KDM1B: variants seen among roughly 807,000 people sequenced by gnomAD.
KDM1B encodes lysine-specific histone demethylase 2.
KDM1B carries 63 observed loss-of-function variants against 107.4 expected under a neutral mutation model. The ratio of observed to expected loss-of-function variants is 0.59; its 90% CI spans 0.48 to 0.72. The LOEUF is 0.72. KDM1B is among the 30% of genes least tolerant of loss of function. The probability of loss-of-function intolerance (pLI) is 0.00; values close to 1 mark genes in which losing one functional copy is unlikely to be tolerated. For synonymous variants in KDM1B, 363 were observed against 363.9 expected, an observed-to-expected ratio of 1.00 and a Z score of 0.03; for missense variants, 749 against 1,020.8, an observed-to-expected ratio of 0.73 and a Z score of 3.63.
chr6:18,204,194 G>A lies in KDM1B; in HGVS notation c.1532-1343G>A, dbSNP rs1788223342. On this transcript the variant is annotated intron_variant, in intron 14 of 21. Coordinates refer to ENST00000650836, the MANE Select transcript of KDM1B (RefSeq NM_001364614.2). This position sits in a 1 kb window ranked among gnomAD's most constrained non-coding sequence, Gnocchi z 4.9. ...CAGTTCTGCTTCTAGTCAGAGAAGT[G>A]TGTGACACTCTGTTAAACTTGGGAT... Among the ~76,000 whole-genome samples, 3 of 152,118 alleles carry A rather than the reference G, an allele frequency of 2.0e-5. No individual in the cohort carries two copies. The highest frequency in any genetic ancestry group is 2.1e-4 in the South Asian group (1 of 4,826).
Position 18,217,731 on chromosome 6 carries a change from A to G in KDM1B, c.2233-2A>G, listed in dbSNP as rs1427479247. On this transcript the variant is annotated splice_acceptor_variant, in intron 20 of 21. Coordinates refer to ENST00000650836, the MANE Select transcript of KDM1B (RefSeq NM_001364614.2). LOFTEE classifies it high-confidence loss of function. Reference sequence around the variant, plus strand: ...TTCATAATTCCTTTCTATTGGACATAGGAGGTCCCAGATCCCACAAAGTAT... The same window carrying G: ...TTCATAATTCCTTTCTATTGGACATGGGAGGTCCCAGATCCCACAAAGTAT... 1.2e-6 allele frequency: 2 copies of G among 1,610,650 alleles called. No individual in the cohort carries two copies. Among genetic ancestry groups the G allele is most frequent in the Non-Finnish European group, 1.7e-6 (2 of 1,178,738 alleles).
intron 21 of KDM1B, among the ~76,000 whole-genome samples, chr6:18,221,240 T>A (rs214506): frequency 6.6e-6 from 1 of 151,830 alleles, no homozygotes; most frequent in South Asian, 2.1e-4. Flanking sequence ...CATTTTCTGC[T>A]GTCTGTTCAG....
At chr6:18,183,813 GGT>G in intron 7 of KDM1B, among the ~76,000 whole-genome samples, 1 of 151,942 alleles carries the variant, frequency 6.6e-6, no homozygotes, top group Middle Eastern at 3.4e-3. Context: ...AACCTACCTT[GGT>G]GTGTGTATTC....
rs1789888783 is a variant in KDM1B at position 18,223,067 on chromosome 6, T to A, written c.*1075T>A. On this transcript the variant is annotated 3_prime_UTR_variant, in exon 22 of 22. Coordinates refer to ENST00000650836, the MANE Select transcript of KDM1B (RefSeq NM_001364614.2). ...CTCATGACAGAAAACAGTTTAATAA[T>A]ATCTCATTCTAAAATAAAACACTGG... The A allele has an allele frequency of 6.6e-6, 1 of 152,536 alleles. No homozygotes were observed. Among genetic ancestry groups the A allele is most frequent in the African/African-American group, 2.4e-5 (1 of 41,404 alleles). The allele number at this position is 152,536 out of a possible 1,614,324, so 9.4% of individuals were successfully genotyped here.
chr6:18,200,311 T>C lies in KDM1B; in HGVS notation c.1222-128T>C. On this transcript the variant is annotated intron_variant, in intron 12 of 21. Transcript: ENST00000650836. This position sits in a 1 kb window ranked among gnomAD's most constrained non-coding sequence, Gnocchi z 4.3. ...ACACTGCCTGCTTTTTAAAGTTGTT[T>C]TTTTAGAAATATTTGGAATTAACCA... The C allele has an allele frequency of 5.1e-6, 5 of 985,560 alleles. No individual in the cohort carries two copies. Among genetic ancestry groups the C allele is most frequent in the Non-Finnish European group, 4.4e-6 (3 of 679,602 alleles). 61.1% of individuals were successfully genotyped at this position (985,560 alleles called of 1,614,324 possible). A position where few individuals can be genotyped will look rare whatever the true frequency, so the allele number is the denominator to read the frequency against.
chr6:18,174,531 G>A (rs191544336), intron 7 of KDM1B, among the ~76,000 whole-genome samples: 5 of 152,050 alleles, frequency 3.3e-5, no homozygotes, highest in Admixed American at 6.6e-5. Context: ...GTTCTTTAGC[G>A]GTGATTTGTG....
chr6:18,181,476 G>A (rs1162911049), intron 7 of KDM1B, among the ~76,000 whole-genome samples: 1 of 152,172 alleles, frequency 6.6e-6, no homozygotes, highest in Non-Finnish European at 1.5e-5. Context: ...AATAAGAAGT[G>A]GGAATCAGTT....
chr6:18,166,330 C>T lies in KDM1B; in HGVS notation c.369C>T (p.Thr123=), dbSNP rs377100984. The T allele has an allele frequency of 1.0e-4, 166 of 1,613,230 alleles. No individual in the cohort carries two copies. The highest frequency in any genetic ancestry group is 1.6e-4 in the Middle Eastern group (1 of 6,082). Residue 123 remains threonine, a synonymous_variant, in exon 6 of 22, where the codon ACC becomes ACT. Coordinates refer to ENST00000650836, the MANE Select transcript of KDM1B (RefSeq NM_001364614.2). ...WKKIWTSNGK[T]EPSPKAFMAD... is the part of the protein sequence containing the mutation. ...AAATATGGACTAGCAATGGCAAAAC[C>T]GAACCTAGTCCCAAAGCTTTCATGG...
At chr6:18,178,201 G>A (rs1320289657) in intron 7 of KDM1B, among the ~76,000 whole-genome samples, 1 of 152,020 alleles carries the variant, frequency 6.6e-6, no homozygotes, top group Non-Finnish European at 1.5e-5. Context: ...TCCTGCCTCA[G>A]CCTCCTGAGT....
At chr6:18,217,942 A>T in intron 21 of KDM1B, 57 bp downstream of exon 21, 1 of 1,562,242 alleles carries the variant, frequency 6.4e-7, no homozygotes, top group Non-Finnish European at 8.8e-7. Flanking sequence ...TCTTTCATCT[A>T]AAATGATATC....
At chr6:18,174,599 G>A (rs1582108644) in intron 7 of KDM1B, among the ~76,000 whole-genome samples, 1 of 152,140 alleles carries the variant, frequency 6.6e-6, no homozygotes, top group African/African-American at 2.4e-5. Context: ...GTAGCCGTTT[G>A]TCCCTAGCCC....
At chr6:18,163,021 C>A (rs2150772453) in intron 5 of KDM1B, 97 bp downstream of exon 5, 2 of 732,450 alleles carry the variant, frequency 2.7e-6, no homozygotes, top group Non-Finnish European at 4.9e-6. Context: ...TCGAGGCTTA[C>A]TGAATTATTC....
rs901624130 is a variant in KDM1B at position 18,201,230 on chromosome 6, A to G, written c.1360-256A>G. On this transcript the variant is annotated intron_variant, in intron 13 of 21. Transcript: ENST00000650836. The surrounding 1 kb of genome is among the most constrained non-coding windows in gnomAD (Gnocchi z 4.3). ...TGTCTAGCATCTGAAACATTAGCCA[A>G]AAAGTTACAATGGGCATGGCGTAGG... is the stretch of plus-strand genomic sequence containing the variant. 1.3e-5 allele frequency among the ~76,000 whole-genome samples: 2 copies of G among 152,232 alleles called. No homozygotes were observed. Among genetic ancestry groups the G allele is most frequent in the Non-Finnish European group, 2.9e-5 (2 of 68,034 alleles).
At chr6:18,161,041 C>T (rs1451453905) in intron 3 of KDM1B, among the ~76,000 whole-genome samples, 1 of 151,944 alleles carries the variant, frequency 6.6e-6, no homozygotes, top group Non-Finnish European at 1.5e-5. Flanking sequence ...AGGCATGAGC[C>T]ACCACACCCA....
At chr6:18,158,606 T>C (rs888930164) in intron 2 of KDM1B, among the ~76,000 whole-genome samples, 15 of 152,236 alleles carry the variant, frequency 9.9e-5, no homozygotes, top group African/African-American at 3.6e-4. Context: ...GTCCTATTTA[T>C]TTTTCATTTA....
intron 21 of KDM1B, 38 bp from the exon 22 acceptor site, chr6:18,221,871 C>G (rs759674230): frequency 2.0e-6 from 3 of 1,500,326 alleles, no homozygotes. Flanking sequence ...CAACTCAACT[C>G]TATGCATGAT....
chr6:18,211,826 T>G lies in KDM1B; in HGVS notation c.1867-662T>G, dbSNP rs1788868874. ...GCAGATACTACCTTCATTTTATAGA[T>G]GTATGGCAGAGATGAGTGGCAGGCT... On this transcript the variant is annotated intron_variant, in intron 17 of 21. Transcript: ENST00000650836. This position sits in a 1 kb window ranked among gnomAD's most constrained non-coding sequence, Gnocchi z 5.2. The G allele has an allele frequency of 6.6e-6, 1 of 152,276 alleles. No homozygotes were observed. The allele number at this position is 152,276 out of a possible 1,614,324, so 9.4% of individuals were successfully genotyped here.
Position 18,212,471 on chromosome 6 carries a change from T to C in KDM1B, c.1867-17T>C. 1 of 1,447,984 alleles carries C rather than the reference T, an allele frequency of 6.9e-7. No homozygotes were observed. The highest frequency in any genetic ancestry group is 1.7e-4 in the Middle Eastern group (1 of 5,754). The allele number at this position is 1,447,984 out of a possible 1,614,324, so 89.7% of individuals were successfully genotyped here. A position where few individuals can be genotyped will look rare whatever the true frequency, so the allele number is the denominator to read the frequency against. Reference sequence around the variant, plus strand: ...TCTGTTGCTGTTTGTTTGTTAACTGTTAATTATTTTCCACAGGTATTAGTC... The same window carrying C: ...TCTGTTGCTGTTTGTTTGTTAACTGCTAATTATTTTCCACAGGTATTAGTC... On this transcript the variant is annotated splice_polypyrimidine_tract_variant and intron_variant, in intron 17 of 21. Coordinates refer to ENST00000650836, the MANE Select transcript of KDM1B (RefSeq NM_001364614.2). The surrounding 1 kb of genome is among the most constrained non-coding windows in gnomAD (Gnocchi z 5.2).
intron 10 of KDM1B, among the ~76,000 whole-genome samples, chr6:18,193,212 A>G (rs1478888138): frequency 6.0e-5 from 9 of 150,664 alleles, no homozygotes; most frequent in Non-Finnish European, 1.5e-5. Context: ...AAAAAAAAAA[A>G]AAAGAATTTA....
Sources: gnomAD v4.1 joint callset for allele counts (sites outside exome capture counted in the v4.1 genomes callset) on GRCh38, gnomAD v4.1.1 for gene constraint, Gnocchi (gnomAD v3.1) non-coding constraint, MANE v1.5 for transcripts, NCBI Gene and HGNC (gene_info 2026-07-23, HGNC 2026-07-21) for gene names.